The following FAM3C variants were observed in gnomAD, a reference collection of about 807,000 sequenced individuals.
The protein encoded by FAM3C is protein FAM3C.
In FAM3C, 15 loss-of-function variants were observed where a neutral mutation model predicts 32.5. That is an observed-to-expected ratio of 0.46 (90% CI 0.31 to 0.71). The LOEUF (loss-of-function observed/expected upper bound fraction) is 0.71. FAM3C is among the 30% of genes least tolerant of loss of function. FAM3C has a pLI of 0.05. For missense variants in FAM3C, 175 were observed against 274.4 expected, an observed-to-expected ratio of 0.64 and a Z score of 2.56; for synonymous variants, 75 against 86.1, an observed-to-expected ratio of 0.87 and a Z score of 0.72.
At position 121,349,417 on chromosome 7, in the gene FAM3C, T is replaced by C. The variant is rs1279351286; in HGVS notation, c.*1044A>G. ...CTATATTTTTATGTAGAATTGGGTA[T>C]AAAGTCATTTGGGGTCAAACACAAT... is the stretch of plus-strand genomic sequence containing the variant. On this transcript the variant is annotated 3_prime_UTR_variant, in exon 10 of 10. Coordinates refer to ENST00000359943, the MANE Select transcript of FAM3C (RefSeq NM_014888.3). 6.6e-6 allele frequency: 1 copy of C among 152,210 alleles called. No individual in the cohort carries two copies. The highest frequency in any genetic ancestry group is 6.5e-5 in the Admixed American group (1 of 15,274). 9.4% of individuals were successfully genotyped at this position (152,210 alleles called of 1,614,324 possible). A position where few individuals can be genotyped will look rare whatever the true frequency, so the allele number is the denominator to read the frequency against.
chr7:121,393,702 T>A (rs2116980800), intron 1 of FAM3C, among the ~76,000 whole-genome samples: 1 of 152,324 alleles, frequency 6.6e-6, no homozygotes, highest in South Asian at 2.1e-4. Flanking sequence ...GTCAGCCGAT[T>A]GTGTCTCAAA....
At chr7:121,367,196 C>A (rs1465521619) in intron 5 of FAM3C, among the ~76,000 whole-genome samples, 1 of 152,094 alleles carries the variant, frequency 6.6e-6, no homozygotes, top group Non-Finnish European at 1.5e-5. Context: ...CTTCCCACAT[C>A]TCTAGGCAAA....
At chr7:121,394,530 G>C (rs1794645198) in intron 1 of FAM3C, among the ~76,000 whole-genome samples, 1 of 152,184 alleles carries the variant, frequency 6.6e-6, no homozygotes, top group Non-Finnish European at 1.5e-5. Context: ...CTCTTACAAA[G>C]TTCCCATTGG....
chr7:121,365,846 A>G (rs907369875), intron 5 of FAM3C, among the ~76,000 whole-genome samples: 1 of 152,146 alleles, frequency 6.6e-6, no homozygotes, highest in Non-Finnish European at 1.5e-5. Context: ...TAATCAAAAG[A>G]GAAATTACAA....
chr7:121,395,641 G>C (rs1794675112), intron 1 of FAM3C, among the ~76,000 whole-genome samples: 1 of 151,948 alleles, frequency 6.6e-6, no homozygotes. Context: ...AAAAAGAAGA[G>C]ACACCAAACA....
At chr7:121,357,077 A>G (rs1012029586) in intron 8 of FAM3C, among the ~76,000 whole-genome samples, 15 of 152,192 alleles carry the variant, frequency 9.9e-5, no homozygotes, top group African/African-American at 3.6e-4. Flanking sequence ...TTTGACCATT[A>G]TATGTACTTG....
At chr7:121,370,599 A>T (rs1186415741) in intron 5 of FAM3C, among the ~76,000 whole-genome samples, 1 of 152,210 alleles carries the variant, frequency 6.6e-6, no homozygotes, top group Non-Finnish European at 1.5e-5. Flanking sequence ...TGCGAGCAAC[A>T]GTTGACACTG....
rs141642335 is a variant in FAM3C, at chr7:121,383,321, T to G, written c.-41-311A>C. On this transcript the variant is annotated intron_variant, in intron 1 of 9. Coordinates refer to ENST00000359943, the MANE Select transcript of FAM3C (RefSeq NM_014888.3). ...GGATTATGCATCTATAAGAAACTTT[T>G]GATATTTAGCTCCAAACCTTCAGTT... Among the ~76,000 whole-genome samples, 50 of 152,260 alleles carry G rather than the reference T, an allele frequency of 3.3e-4. 1 individual carries two copies. The East Asian group carries it at 8.5e-3, about 26-fold the overall frequency.
chr7:121,357,648 C>G (rs1214814224), intron 8 of FAM3C, among the ~76,000 whole-genome samples: 1 of 152,118 alleles, frequency 6.6e-6, no homozygotes, highest in Non-Finnish European at 1.5e-5. Flanking sequence ...CAAACTAATA[C>G]AACTCAATTC....
intron 5 of FAM3C, 122 bp from the exon 6 acceptor site, chr7:121,364,310 G>C (rs565935898): frequency 1.5e-6 from 1 of 649,888 alleles, no homozygotes; most frequent in Non-Finnish European, 2.7e-6. Flanking sequence ...TCAGTGCTGC[G>C]GAGGAAATTA....
chr7:121,393,143 G>A (rs1051469256), intron 1 of FAM3C, among the ~76,000 whole-genome samples: 12 of 152,144 alleles, frequency 7.9e-5, no homozygotes, highest in African/African-American at 2.4e-5. Flanking sequence ...CATCATGAAC[G>A]TGCTAAATGC....
rs187782127 is a variant in FAM3C, at chr7:121,396,185, C to A, written c.-65G>T. The A allele has an allele frequency of 7.7e-3, 1,178 of 153,844 alleles. 7 individuals are homozygous for A. The highest frequency in any genetic ancestry group is 0.012 in the Non-Finnish European group (820 of 69,440). 9.5% of individuals were successfully genotyped at this position (153,844 alleles called of 1,614,324 possible). ...ACCGGCCTCCCGCCCGCCTCTCCGC[C>A]GCGCGCGCCCGCCTTCCGGCCTCCC... On this transcript the variant is annotated 5_prime_UTR_variant, in exon 1 of 10. Transcript: ENST00000359943.
At chr7:121,382,907 A>C (rs1239315614) in intron 2 of FAM3C, 50 bp downstream of exon 2, 1 of 1,399,088 alleles carries the variant, frequency 7.1e-7, no homozygotes, top group South Asian at 1.2e-5. Context: ...TTCTTTAACA[A>C]ACAGGTTACA....
At chr7:121,385,961 C>T (rs1259303971) in intron 1 of FAM3C, among the ~76,000 whole-genome samples, 2 of 152,142 alleles carry the variant, frequency 1.3e-5, no homozygotes, top group Admixed American at 6.6e-5. Flanking sequence ...AAGAAGCTCA[C>T]GCTACAAACA....
At chr7:121,358,970 A>G (rs1264959520) in intron 8 of FAM3C, among the ~76,000 whole-genome samples, 2 of 151,944 alleles carry the variant, frequency 1.3e-5, no homozygotes, top group Non-Finnish European at 2.9e-5. Flanking sequence ...GACAATTTAC[A>G]TAAAAAGGCA....
intron 8 of FAM3C, 30 bp from the exon 9 acceptor site, chr7:121,351,299 T>C: frequency 6.2e-7 from 1 of 1,605,304 alleles, no homozygotes; most frequent in Non-Finnish European, 8.5e-7. Context: ...AATACAACAA[T>C]AAACAGAGGG....
chr7:121,372,307 T>C (rs1246115105), intron 3 of FAM3C, among the ~76,000 whole-genome samples, 168 bp from the exon 4 acceptor site: 1 of 152,196 alleles, frequency 6.6e-6, no homozygotes, highest in Non-Finnish European at 1.5e-5. Context: ...ACACTGTACA[T>C]TCATTATAAA....
At chr7:121,358,321 A>C (rs1362322981) in intron 8 of FAM3C, among the ~76,000 whole-genome samples, 1 of 152,112 alleles carries the variant, frequency 6.6e-6, no homozygotes, top group East Asian at 1.9e-4. Flanking sequence ...TTGTAGTATT[A>C]AGGCTCTGTC....
At chr7:121,373,138 T>C (rs1003878654) in intron 3 of FAM3C, among the ~76,000 whole-genome samples, 1 of 151,482 alleles carries the variant, frequency 6.6e-6, no homozygotes, top group Admixed American at 6.6e-5. Flanking sequence ...GATATAATTT[T>C]GGGAAAATCA....
Sources: allele counts gnomAD v4.1 joint callset (sites outside exome capture counted in the v4.1 genomes callset), GRCh38; gene constraint gnomAD v4.1.1; transcripts MANE v1.5; gene names NCBI Gene and HGNC (gene_info 2026-07-23, HGNC 2026-07-21).